Variants in DLG2 observed in about 807,000 individuals in gnomAD.
DLG2 encodes discs large MAGUK scaffold protein 2.
Under a neutral mutation model 132.5 loss-of-function variants are expected in DLG2, and 45 were observed. The observed-to-expected ratio is 0.34, with a 90% CI of 0.27 to 0.44. The LOEUF is 0.44. Ranked by LOEUF, DLG2 falls within the 20% of genes least tolerant of loss-of-function variation. The pLI is 1.00. For synonymous variants in DLG2, 424 were observed against 419.6 expected, an observed-to-expected ratio of 1.01 and a Z score of -0.13; for missense variants, 1,045 against 1,196.9, an observed-to-expected ratio of 0.87 and a Z score of 1.87.
intron 8 of DLG2, among the ~76,000 whole-genome samples, chr11:84,239,762 A>G (rs1238566836): frequency 6.6e-6 from 1 of 152,214 alleles, no homozygotes; most frequent in Non-Finnish European, 1.5e-5. Flanking sequence ...TAGTATACTG[A>G]TACAATTGCA....
chr11:83,784,848 T>C (rs1402997752), intron 18 of DLG2, among the ~76,000 whole-genome samples: 1 of 152,180 alleles, frequency 6.6e-6, no homozygotes, highest in East Asian at 1.9e-4. Context: ...TGCAGAATTG[T>C]TTGAGATGAG....
rs187849931 is a variant in DLG2 at position 83,882,175 on chromosome 11, G to A, written c.1497-7687C>T. Among the ~76,000 whole-genome samples the A allele has an allele frequency of 1.1e-3, 167 of 152,128 alleles. 1 individual carries two copies. The highest frequency in any genetic ancestry group is 3.8e-3 in the African/African-American group (158 of 41,498). ...AATTTGGTATGCCAAATATTTTAAA[G>A]CAATTAAAGAACAATTTAGACATTG... On this transcript the variant is annotated intron_variant, in intron 15 of 27. Transcript: ENST00000376104.
chr11:83,853,988 A>G (rs1433347780), intron 16 of DLG2, among the ~76,000 whole-genome samples: 5 of 152,180 alleles, frequency 3.3e-5, no homozygotes, highest in African/African-American at 1.2e-4. Flanking sequence ...AATCCAAGAT[A>G]ACTGCCAAAA....
intron 3 of DLG2, among the ~76,000 whole-genome samples, chr11:85,539,009 T>G (rs903298091): frequency 2.6e-5 from 4 of 151,804 alleles, no homozygotes; most frequent in Non-Finnish European, 5.9e-5. Flanking sequence ...AAATTACATT[T>G]TTTTAAAAAA....
chr11:84,211,623 C>T (rs1268487881), intron 8 of DLG2, among the ~76,000 whole-genome samples: 1 of 152,070 alleles, frequency 6.6e-6, no homozygotes, highest in African/African-American at 2.4e-5. Context: ...CCCAAATTTT[C>T]CCTATTGCTT....
intron 6 of DLG2, among the ~76,000 whole-genome samples, chr11:84,635,014 G>A (rs191204122): frequency 5.5e-4 from 83 of 151,140 alleles, no homozygotes; most frequent in Middle Eastern, 3.4e-3. Context: ...TCCGCTGGAG[G>A]AGAGGATGAC....
At chr11:85,358,882 A>G (rs541522216) in intron 3 of DLG2, among the ~76,000 whole-genome samples, 8 of 152,296 alleles carry the variant, frequency 5.3e-5, no homozygotes, top group African/African-American at 1.7e-4. Context: ...TTAAAACAAA[A>G]TGGCATCTAT....
At chr11:85,518,646 A>T (rs1335271388) in intron 3 of DLG2, among the ~76,000 whole-genome samples, 1 of 152,226 alleles carries the variant, frequency 6.6e-6, no homozygotes, top group Non-Finnish European at 1.5e-5. Flanking sequence ...ATTCAAGCTG[A>T]CTGCAGAAAT....
intron 3 of DLG2, among the ~76,000 whole-genome samples, chr11:85,317,859 A>G (rs1370687319): frequency 6.6e-6 from 1 of 151,802 alleles, no homozygotes; most frequent in Non-Finnish European, 1.5e-5. Context: ...TCCCCATGAC[A>G]CAATTTTACC....
At chr11:83,963,190 A>G (rs897963754) in intron 13 of DLG2, among the ~76,000 whole-genome samples, 167 bp from the exon 14 acceptor site, 1 of 152,028 alleles carries the variant, frequency 6.6e-6, no homozygotes, top group African/African-American at 2.4e-5. Context: ...TTTAATATAT[A>G]CAAGCACATG....
At chr11:84,175,730 C>A (rs1314397206) in intron 8 of DLG2, among the ~76,000 whole-genome samples, 1 of 152,096 alleles carries the variant, frequency 6.6e-6, no homozygotes, top group East Asian at 1.9e-4. Flanking sequence ...AGCTATAGAG[C>A]CACATCACCC....
At chr11:84,548,113 T>A (rs1019850) in intron 6 of DLG2, among the ~76,000 whole-genome samples, 42,686 of 151,954 alleles carry the variant, frequency 0.28, 6,076 homozygotes, top group South Asian at 0.4. Context: ...CCTGACAAAG[T>A]GTATTAGCTG....
At chr11:85,212,133 G>A (rs987776458) in intron 4 of DLG2, among the ~76,000 whole-genome samples, 1 of 151,912 alleles carries the variant, frequency 6.6e-6, no homozygotes, top group Non-Finnish European at 1.5e-5. Flanking sequence ...TCATGATGTA[G>A]ATATAAACTT....
chr11:85,084,469 A>G (rs546273639), intron 6 of DLG2, among the ~76,000 whole-genome samples: 21 of 152,300 alleles, frequency 1.4e-4, no homozygotes, highest in African/African-American at 4.8e-4. Context: ...AGGAAAGTGA[A>G]GATATGTTAT....
intron 3 of DLG2, among the ~76,000 whole-genome samples, chr11:85,417,209 T>C (rs1366572046): frequency 1.3e-5 from 2 of 152,250 alleles, no homozygotes; most frequent in East Asian, 3.9e-4. Context: ...AATCATGTGG[T>C]TTTTGTCTTT....
intron 19 of DLG2, among the ~76,000 whole-genome samples, chr11:83,590,868 T>G (rs1007508761): frequency 1.1e-4 from 16 of 151,352 alleles, no homozygotes; most frequent in African/African-American, 3.6e-4. Flanking sequence ...AACACCTCTA[T>G]GCAAATAAAC....
rs1002584728 is a variant in DLG2, at chr11:85,313,424, T to C, written c.41-28059A>G. 2.6e-4 allele frequency among the ~76,000 whole-genome samples: 40 copies of C among 152,180 alleles called. 1 individual carries two copies. The highest frequency in any genetic ancestry group is 1.3e-4 in the Admixed American group (2 of 15,266). ...AGATTTTGGGATTTATCTGTTATAG[T>C]AGCTAATGTTAACAAATACAAGGAT... On this transcript the variant is annotated intron_variant, in intron 3 of 27. Coordinates refer to ENST00000376104, the MANE Select transcript of DLG2 (RefSeq NM_001142699.3).
chr11:84,566,760 C>T (rs1005637807), intron 6 of DLG2, among the ~76,000 whole-genome samples: 6 of 152,176 alleles, frequency 3.9e-5, no homozygotes, highest in Admixed American at 6.5e-5. Flanking sequence ...GGCCATCATA[C>T]AGCTACAGTT....
chr11:83,529,110 A>C (rs1222690539), intron 21 of DLG2, among the ~76,000 whole-genome samples: 1 of 152,136 alleles, frequency 6.6e-6, no homozygotes, highest in Non-Finnish European at 1.5e-5. Context: ...AGGACATTTC[A>C]CAATGCTCTG....
Sources: gnomAD v4.1 joint callset for allele counts (sites outside exome capture counted in the v4.1 genomes callset) on GRCh38, gnomAD v4.1.1 for gene constraint, MANE v1.5 for transcripts, NCBI Gene and HGNC (gene_info 2026-07-23, HGNC 2026-07-21) for gene names.